The following NOX4 variants were observed in gnomAD, a reference collection of about 807,000 sequenced individuals.
NOX4 encodes the protein kidney oxidase-1.
In NOX4, 69 loss-of-function variants were observed where a neutral mutation model predicts 87.6. The ratio of observed to expected loss-of-function variants is 0.79; its 90% CI spans 0.65 to 0.96. NOX4 has a LOEUF of 0.96. Among genes scored for constraint, NOX4 ranks in the 40% least tolerant of loss-of-function variants. NOX4 has a pLI of 0.00. For missense variants in NOX4, 680 were observed against 681.5 expected, an observed-to-expected ratio of 1.00 and a Z score of 0.02; for synonymous variants, 275 against 238.2, an observed-to-expected ratio of 1.15 and a Z score of -1.42.
At chr11:89,458,452 A>C (rs1217803713) in intron 2 of NOX4, among the ~76,000 whole-genome samples, 1 of 152,178 alleles carries the variant, frequency 6.6e-6, no homozygotes, top group Non-Finnish European at 1.5e-5. Context: ...AAAACCAAAA[A>C]TGGACAAATA....
intron 4 of NOX4, among the ~76,000 whole-genome samples, chr11:89,446,266 A>T (rs1188122744): frequency 1.3e-5 from 2 of 152,110 alleles, no homozygotes; most frequent in Admixed American, 6.6e-5. Flanking sequence ...CAGGTGGGGG[A>T]TGCAAAAAAT....
chr11:89,393,587 G>C (rs1941271958), intron 11 of NOX4, among the ~76,000 whole-genome samples: 1 of 152,208 alleles, frequency 6.6e-6, no homozygotes, highest in East Asian at 1.9e-4. Context: ...AGAAATGAAA[G>C]CAATAATCCA....
At chr11:89,391,921 TCCCTTC>T (rs569323281) in intron 11 of NOX4, among the ~76,000 whole-genome samples, 2,903 of 149,834 alleles carry the variant, frequency 0.019, 78 homozygotes, top group African/African-American at 0.065. Context: ...TTTTTCCTTT[TCCCTTC>T]CCCTTCCCCT....
At chr11:89,402,696 G>A (rs1346673850) in intron 8 of NOX4, among the ~76,000 whole-genome samples, 154 bp from the exon 9 acceptor site, 1 of 152,102 alleles carries the variant, frequency 6.6e-6, no homozygotes, top group Admixed American at 6.6e-5. Context: ...ATGTTTAGGA[G>A]AAATTGAAAA....
At chr11:89,501,830 G>A (rs868244441), upstream of NOX4, among the ~76,000 whole-genome samples, 2 of 152,164 alleles carry the variant, frequency 1.3e-5, no homozygotes, top group Middle Eastern at 3.4e-3. Flanking sequence ...CAGCAGGATG[G>A]AGAGTATTCA....
chr11:89,490,555 T>C lies in NOX4; in HGVS notation c.58-2A>G, dbSNP rs780351028. ...GACATTCATGGAGAGCCAGATGAAC[T>C]AAACCAATCAGACATGAGAGACAGA... On this transcript the variant is annotated splice_acceptor_variant, in intron 1 of 17. Coordinates refer to ENST00000263317, the MANE Select transcript of NOX4 (RefSeq NM_016931.5). LOFTEE classifies it high-confidence loss of function. 9.9e-6 allele frequency: 16 copies of C among 1,611,110 alleles called. No homozygotes were observed. In the South Asian group the frequency reaches 1.4e-4, roughly 14 times the overall value.
At chr11:89,376,993 G>A (rs1939892666) in intron 11 of NOX4, among the ~76,000 whole-genome samples, 1 of 152,218 alleles carries the variant, frequency 6.6e-6, no homozygotes, top group Admixed American at 6.5e-5. Context: ...AGGCGGCAGA[G>A]GTTGCAGTGA....
chr11:89,382,884 G>A (rs939782867), intron 11 of NOX4, among the ~76,000 whole-genome samples: 4 of 152,052 alleles, frequency 2.6e-5, no homozygotes, highest in African/African-American at 7.2e-5. Context: ...AAATCAGTTA[G>A]CATTTAGGCT....
chr11:89,395,498 T>C (rs1025585968), intron 11 of NOX4, among the ~76,000 whole-genome samples: 1 of 152,220 alleles, frequency 6.6e-6, no homozygotes, highest in Non-Finnish European at 1.5e-5. Flanking sequence ...GCAGAAGCTC[T>C]TTAGTTTAAT....
chr11:89,499,038 C>T, upstream of NOX4: 1 of 155,540 alleles, frequency 6.4e-6, no homozygotes. Context: ...GTAGAGGGTG[C>T]ACTTGCAAGC....
chr11:89,330,834 A>T (rs1057507917), intron 17 of NOX4, among the ~76,000 whole-genome samples: 1 of 152,084 alleles, frequency 6.6e-6, no homozygotes, highest in Non-Finnish European at 1.5e-5. Flanking sequence ...CACTGAAAAT[A>T]AAAAGCTTCA....
chr11:89,362,440 C>T (rs1938602724), intron 12 of NOX4, among the ~76,000 whole-genome samples: 1 of 152,068 alleles, frequency 6.6e-6, no homozygotes. Flanking sequence ...TCCAGCCATG[C>T]TGTCCAGTAT....
intron 2 of NOX4, among the ~76,000 whole-genome samples, chr11:89,472,546 T>A (rs543742010): frequency 3.9e-5 from 6 of 152,350 alleles, no homozygotes; most frequent in African/African-American, 1.4e-4. Flanking sequence ...CATTTTTTTA[T>A]CTACGCTTTC....
chr11:89,438,837 T>TTA (rs1234008173), intron 6 of NOX4, among the ~76,000 whole-genome samples: 2 of 37,148 alleles, frequency 5.4e-5, no homozygotes, highest in Non-Finnish European at 7.5e-5. Flanking sequence ...ATCTTATATA[T>TTA]TATATATATT....
At chr11:89,416,423 C>T (rs1221156324) in intron 8 of NOX4, among the ~76,000 whole-genome samples, 5 of 152,168 alleles carry the variant, frequency 3.3e-5, no homozygotes, top group Admixed American at 6.6e-5. Flanking sequence ...AAGACTTCCA[C>T]GAAAGTGGCT....
At chr11:89,495,404 C>T (rs1044043946), upstream of NOX4, among the ~76,000 whole-genome samples, 2 of 151,806 alleles carry the variant, frequency 1.3e-5, no homozygotes, top group African/African-American at 4.8e-5. Flanking sequence ...ATTGCCTCCT[C>T]CTCTTCAATC....
intron 7 of NOX4, among the ~76,000 whole-genome samples, chr11:89,424,962 T>C (rs1027608582): frequency 6.6e-6 from 1 of 152,106 alleles, no homozygotes; most frequent in African/African-American, 2.4e-5. Context: ...GGTGTTATAA[T>C]CTTGTTTAAA....
chr11:89,327,288 A>C (rs1233960343), intron 17 of NOX4, among the ~76,000 whole-genome samples: 1 of 152,188 alleles, frequency 6.6e-6, no homozygotes, highest in East Asian at 1.9e-4. Flanking sequence ...TTCTTCTTTT[A>C]TTAGACACTT....
intron 2 of NOX4, among the ~76,000 whole-genome samples, chr11:89,486,350 T>C (rs1302198584): frequency 6.7e-6 from 1 of 149,518 alleles, no homozygotes; most frequent in Non-Finnish European, 1.5e-5. Context: ...TGGAATGCAG[T>C]GGCCCAATCA....
Sources: gnomAD v4.1 joint callset for allele counts (sites outside exome capture counted in the v4.1 genomes callset) on GRCh38, gnomAD v4.1.1 for gene constraint, MANE v1.5 for transcripts, NCBI Gene and HGNC (gene_info 2026-07-23, HGNC 2026-07-21) for gene names.